Variants in ABCD2 observed in about 807,000 individuals in gnomAD.
The protein encoded by ABCD2 is ATP binding cassette subfamily D member 2.
A neutral mutation model predicts 70.9 loss-of-function variants in ABCD2; 36 were observed. The observed-to-expected ratio is 0.51, with a 90% CI of 0.39 to 0.67. The LOEUF is 0.67. Among genes scored for constraint, ABCD2 ranks in the 30% least tolerant of loss-of-function variants. The probability of loss-of-function intolerance (pLI) is 0.00; values close to 1 mark genes in which losing one functional copy is unlikely to be tolerated. For missense variants in ABCD2, 729 were observed against 890.2 expected (o/e 0.82, Z 2.30); for synonymous variants, 304 against 306.9 (o/e 0.99, Z 0.10).
At chr12:39,618,357 C>G (rs917309719) in intron 1 of ABCD2, among the ~76,000 whole-genome samples, 6 of 151,968 alleles carry the variant, frequency 3.9e-5, no homozygotes, top group Non-Finnish European at 8.8e-5. Context: ...GATGACCTAC[C>G]AAGTTGGGAT....
chr12:39,532,235 CA>C, the ABCD2 span, among the ~76,000 whole-genome samples: 1 of 152,080 alleles, frequency 6.6e-6, no homozygotes, highest in East Asian at 1.9e-4. Flanking sequence ...TAAAACGACC[CA>C]TGTAGTTAGA....
At chr12:39,592,950 A>C (rs1941766554) in intron 6 of ABCD2, among the ~76,000 whole-genome samples, 1 of 152,236 alleles carries the variant, frequency 6.6e-6, no homozygotes, top group South Asian at 2.1e-4. Flanking sequence ...TCCAGACCAC[A>C]TCCTCATTTT....
chr12:39,559,233 G>T (rs773259375), intron 9 of ABCD2, among the ~76,000 whole-genome samples: 3 of 151,782 alleles, frequency 2.0e-5, no homozygotes, highest in Admixed American at 1.3e-4. Flanking sequence ...TTAGCCCAGC[G>T]TGGTGGTGTG....
intron 7 of ABCD2, among the ~76,000 whole-genome samples, chr12:39,581,511 C>A (rs1941595399): frequency 2.0e-5 from 3 of 151,802 alleles, no homozygotes; most frequent in African/African-American, 7.3e-5. Flanking sequence ...CTTAAAATAC[C>A]ATCTGATTTA....
intron 7 of ABCD2, among the ~76,000 whole-genome samples, chr12:39,583,578 C>G (rs537268529): frequency 1.1e-4 from 16 of 152,032 alleles, no homozygotes; most frequent in Non-Finnish European, 1.6e-4. Flanking sequence ...TAGGTAAACA[C>G]GTTTCATGGG....
At chr12:39,566,863 T>C (rs1032592743) in intron 9 of ABCD2, among the ~76,000 whole-genome samples, 9 of 152,226 alleles carry the variant, frequency 5.9e-5, no homozygotes, top group African/African-American at 1.9e-4. Flanking sequence ...AGAATATCTT[T>C]ATTTCTGCCT....
At chr12:39,584,198 T>C (rs1566559090) in intron 7 of ABCD2, among the ~76,000 whole-genome samples, 2 of 152,176 alleles carry the variant, frequency 1.3e-5, no homozygotes, top group African/African-American at 4.8e-5. Flanking sequence ...TGACTTTTTA[T>C]TAATAGTCAT....
At chr12:39,572,638 A>G (rs964547495) in intron 9 of ABCD2, among the ~76,000 whole-genome samples, 2 of 152,218 alleles carry the variant, frequency 1.3e-5, no homozygotes, top group Non-Finnish European at 2.9e-5. Context: ...ATTTTAATGT[A>G]AACATTCTTT....
At chr12:39,544,114 GT>G in the ABCD2 span, among the ~76,000 whole-genome samples, 1 of 152,146 alleles carries the variant, frequency 6.6e-6, no homozygotes, top group Non-Finnish European at 1.5e-5. Flanking sequence ...AGGGAGCAGA[GT>G]TTTTAAGGAT....
At chr12:39,574,733 T>C (rs1941493250) in intron 8 of ABCD2, among the ~76,000 whole-genome samples, 1 of 152,084 alleles carries the variant, frequency 6.6e-6, no homozygotes, top group African/African-American at 2.4e-5. Context: ...GACAATTTTC[T>C]TTACAAAAAA....
At chr12:39,596,545 CCTT>C (rs1399886565) in intron 6 of ABCD2, among the ~76,000 whole-genome samples, 1 of 151,836 alleles carries the variant, frequency 6.6e-6, no homozygotes, top group Non-Finnish European at 1.5e-5. Context: ...TATATATAAT[CCTT>C]CTTTCACTTT....
chr12:39,564,848 G>A lies in ABCD2; in HGVS notation c.2003+8868C>T, dbSNP rs1274503256. Among the ~76,000 whole-genome samples the A allele has an allele frequency of 2.0e-5, 3 of 152,254 alleles. No homozygotes were observed. The East Asian group carries it at 5.8e-4, about 29-fold the overall frequency. On this transcript the variant is annotated intron_variant, in intron 9 of 9. Transcript: ENST00000308666. The stretch of plus-strand genomic sequence containing the variant: ...GATCCAGTTTCAGCTTTCTACTTAT[G>A]GCTAGCCAGTTTTCCCAGCACCATT...
At chr12:39,583,058 C>A (rs931411743) in intron 7 of ABCD2, among the ~76,000 whole-genome samples, 2 of 151,954 alleles carry the variant, frequency 1.3e-5, no homozygotes, top group Non-Finnish European at 2.9e-5. Context: ...AGTGGTTTCA[C>A]CATGTTGCCC....
At chr12:39,575,637 A>G (rs1184464786) in intron 8 of ABCD2, among the ~76,000 whole-genome samples, 1 of 152,184 alleles carries the variant, frequency 6.6e-6, no homozygotes, top group Non-Finnish European at 1.5e-5. Context: ...GATTTTTGCC[A>G]GCTCAAGTCT....
At chr12:39,605,279 A>C (rs1941954221) in intron 3 of ABCD2, among the ~76,000 whole-genome samples, 1 of 152,106 alleles carries the variant, frequency 6.6e-6, no homozygotes. Context: ...CAATGAAATT[A>C]TAATCTTTTA....
intron 2 of ABCD2, among the ~76,000 whole-genome samples, chr12:39,608,615 G>T (rs1013568704): frequency 9.9e-5 from 15 of 152,094 alleles, no homozygotes; most frequent in Non-Finnish European, 1.8e-4. Flanking sequence ...TTGAACCCAG[G>T]AGGTGAAGGT....
intron 2 of ABCD2, among the ~76,000 whole-genome samples, chr12:39,607,939 G>A (rs1941992983): frequency 6.6e-6 from 1 of 152,038 alleles, no homozygotes; most frequent in South Asian, 2.1e-4. Flanking sequence ...AGGCCTGGGT[G>A]GGCGGATCAC....
chr12:39,580,681 A>G (rs373878905), intron 7 of ABCD2, among the ~76,000 whole-genome samples: 1 of 152,220 alleles, frequency 6.6e-6, no homozygotes, highest in Non-Finnish European at 1.5e-5. Flanking sequence ...TGATTTTCAA[A>G]CAAGAAAATG....
At chr12:39,593,126 G>T (rs73096542) in intron 6 of ABCD2, among the ~76,000 whole-genome samples, 1 of 152,098 alleles carries the variant, frequency 6.6e-6, no homozygotes, top group South Asian at 2.1e-4. Flanking sequence ...ATATGTGTGG[G>T]TTAAACAATG....
Sources: gnomAD v4.1 joint callset for allele counts (sites outside exome capture counted in the v4.1 genomes callset) on GRCh38, gnomAD v4.1.1 for gene constraint, MANE v1.5 for transcripts, NCBI Gene and HGNC (gene_info 2026-07-23, HGNC 2026-07-21) for gene names.